Variants in PHF21A observed in about 807,000 individuals in gnomAD.
PHF21A encodes the protein PHD finger protein 21A, also known as BHC80a.
In PHF21A, 11 loss-of-function variants were observed where a neutral mutation model predicts 82.5. That is an observed-to-expected ratio of 0.13 (90% confidence interval 0.08 to 0.22). The LOEUF (loss-of-function observed/expected upper bound fraction) is 0.22, where lower values mean the gene tolerates loss of function less well. Ranked by LOEUF, PHF21A falls within the 10% of genes least tolerant of loss-of-function variation. The pLI, the probability that PHF21A is intolerant of heterozygous loss-of-function variation, is 1.00. For missense variants in PHF21A, 579 were observed against 837.8 expected (o/e 0.69, Z 3.81); for synonymous variants, 297 against 302.8 (o/e 0.98, Z 0.20).
At chr11:45,991,435 T>TA (rs1161741108) in intron 6 of PHF21A, among the ~76,000 whole-genome samples, 2 of 152,126 alleles carry the variant, frequency 1.3e-5, no homozygotes, top group Non-Finnish European at 2.9e-5. Context: ...GAGTCAGACT[T>TA]AAAGAGTTCC....
chr11:46,066,266 T>C (rs2096592881), intron 6 of PHF21A, among the ~76,000 whole-genome samples: 1 of 152,206 alleles, frequency 6.6e-6, no homozygotes, highest in South Asian at 2.1e-4. Context: ...TTCTGATTAC[T>C]GATATAGGTA....
At chr11:46,055,644 A>C (rs1369731199) in intron 6 of PHF21A, among the ~76,000 whole-genome samples, 1 of 152,124 alleles carries the variant, frequency 6.6e-6, no homozygotes, top group African/African-American at 2.4e-5. Flanking sequence ...TACCAAGTCT[A>C]TACATTACAT....
At chr11:46,101,021 A>C (rs2097089232) in intron 1 of PHF21A, among the ~76,000 whole-genome samples, 1 of 152,236 alleles carries the variant, frequency 6.6e-6, no homozygotes, top group African/African-American at 2.4e-5. Flanking sequence ...GCGGAACAAG[A>C]CTTGTGACCT....
At chr11:46,109,162 C>T (rs34396514) in intron 1 of PHF21A, among the ~76,000 whole-genome samples, 31,266 of 152,120 alleles carry the variant, frequency 0.21, 3,704 homozygotes, top group Non-Finnish European at 0.27. Flanking sequence ...AGCAAGGGCT[C>T]AGGAATCAAA....
At chr11:46,045,937 C>T (rs138905214) in intron 6 of PHF21A, among the ~76,000 whole-genome samples, 10 of 152,282 alleles carry the variant, frequency 6.6e-5, no homozygotes, top group African/African-American at 2.4e-4. Context: ...ACAACTGGCT[C>T]TGTTTTCTTG....
intron 6 of PHF21A, among the ~76,000 whole-genome samples, chr11:45,987,992 T>C (rs2094554644): frequency 6.6e-6 from 1 of 152,214 alleles, no homozygotes; most frequent in Admixed American, 6.5e-5. Context: ...GCACAGTAGC[T>C]GTCCCTGACA....
intron 3 of PHF21A, among the ~76,000 whole-genome samples, chr11:46,087,726 A>G (rs968427904): frequency 4.6e-5 from 7 of 152,124 alleles, no homozygotes; most frequent in Non-Finnish European, 8.8e-5. Context: ...TATGTTGCCC[A>G]GGCTGGTCAC....
At chr11:45,957,947 ATC>A (rs1391550556) in intron 10 of PHF21A, among the ~76,000 whole-genome samples, 3 of 152,026 alleles carry the variant, frequency 2.0e-5, no homozygotes, top group Non-Finnish European at 4.4e-5. Flanking sequence ...AGGACATTAC[ATC>A]TCACAGAATT....
At chr11:45,959,723 G>A (rs2092957199) in intron 10 of PHF21A, among the ~76,000 whole-genome samples, 1 of 152,192 alleles carries the variant, frequency 6.6e-6, no homozygotes, top group African/African-American at 2.4e-5. Flanking sequence ...AAAATCAGCT[G>A]TGTATCAAAG....
chr11:45,948,653 C>A (rs181882731), intron 14 of PHF21A, among the ~76,000 whole-genome samples: 1 of 152,228 alleles, frequency 6.6e-6, no homozygotes, highest in Non-Finnish European at 1.5e-5. Flanking sequence ...TTAAGCCATT[C>A]CCCTGAGTCA....
At chr11:46,035,149 A>G (rs1389093716) in intron 6 of PHF21A, among the ~76,000 whole-genome samples, 4 of 152,172 alleles carry the variant, frequency 2.6e-5, no homozygotes, top group African/African-American at 7.2e-5. Context: ...TTTTGGCTTC[A>G]GCTAGTTTGA....
intron 6 of PHF21A, among the ~76,000 whole-genome samples, chr11:46,075,886 T>C (rs570671017): frequency 1.3e-5 from 2 of 152,338 alleles, no homozygotes; most frequent in South Asian, 4.1e-4. Context: ...TAAAAATCAG[T>C]TATTGAGAAC....
intron 6 of PHF21A, among the ~76,000 whole-genome samples, chr11:46,070,971 TG>T (rs1263669386): frequency 6.6e-6 from 1 of 152,226 alleles, no homozygotes; most frequent in African/African-American, 2.4e-5. Flanking sequence ...TAGCCTTTTC[TG>T]GGGGTTATTT....
intron 6 of PHF21A, among the ~76,000 whole-genome samples, chr11:46,021,066 A>G (rs528910654): frequency 6.7e-6 from 1 of 148,862 alleles, no homozygotes; most frequent in African/African-American, 2.6e-5. Flanking sequence ...TTCTTTAAAA[A>G]AAAAAAAAAG....
chr11:46,053,423 C>T (rs1046819741), intron 6 of PHF21A, among the ~76,000 whole-genome samples: 2 of 152,074 alleles, frequency 1.3e-5, no homozygotes, highest in African/African-American at 4.8e-5. Context: ...TACTTTCAAC[C>T]TCCAAAGTTG....
intron 1 of PHF21A, among the ~76,000 whole-genome samples, chr11:46,106,607 T>C (rs1444067367): frequency 6.6e-6 from 1 of 152,250 alleles, no homozygotes; most frequent in Non-Finnish European, 1.5e-5. Flanking sequence ...CACTGATAAT[T>C]GCTTTTTAAG....
chr11:46,063,253 T>G (rs2096557385), intron 6 of PHF21A, among the ~76,000 whole-genome samples: 1 of 152,326 alleles, frequency 6.6e-6, no homozygotes, highest in African/African-American at 2.4e-5. Context: ...CTGTTTTCAG[T>G]GTACATACAG....
At chr11:45,997,342 A>T (rs1183184238) in intron 6 of PHF21A, among the ~76,000 whole-genome samples, 2 of 152,260 alleles carry the variant, frequency 1.3e-5, no homozygotes, top group African/African-American at 4.8e-5. Context: ...CAAATATCAG[A>T]AGTGTACTTG....
At chr11:46,037,971 A>C (rs1279602223) in intron 6 of PHF21A, among the ~76,000 whole-genome samples, 2 of 151,804 alleles carry the variant, frequency 1.3e-5, no homozygotes, top group Non-Finnish European at 2.9e-5. Flanking sequence ...CTCCATGTTT[A>C]TTTTCTCTAC....
Sources: allele counts gnomAD v4.1 joint callset (sites outside exome capture counted in the v4.1 genomes callset), GRCh38; gene constraint gnomAD v4.1.1; transcripts MANE v1.5; gene names NCBI Gene and HGNC (gene_info 2026-07-23, HGNC 2026-07-21).